Variants in RELN observed in about 807,000 individuals in gnomAD.
RELN encodes reelin.
A neutral mutation model predicts 427.6 loss-of-function variants in RELN; 108 were observed. The ratio of observed to expected loss-of-function variants is 0.25; its 90% CI spans 0.22 to 0.30. The LOEUF is 0.30. Ranked by LOEUF, RELN falls within the 10% of genes least tolerant of loss-of-function variation. The probability of loss-of-function intolerance (pLI) is 1.00; values close to 1 mark genes in which losing one functional copy is unlikely to be tolerated. For missense variants in RELN, 3,715 were observed against 4,302.8 expected, an observed-to-expected ratio of 0.86 and a Z score of 3.82; for synonymous variants, 1,524 against 1,513.4, an observed-to-expected ratio of 1.01 and a Z score of -0.16.
chr7:103,765,411 T>C (rs1339265703), intron 4 of RELN, among the ~76,000 whole-genome samples: 1 of 152,128 alleles, frequency 6.6e-6, no homozygotes, highest in African/African-American at 2.4e-5. Flanking sequence ...ACACCTTGCC[T>C]GGGGTCTGGT....
At chr7:103,826,394 C>A (rs1187883934) in intron 3 of RELN, among the ~76,000 whole-genome samples, 1 of 147,618 alleles carries the variant, frequency 6.8e-6, no homozygotes, top group Non-Finnish European at 1.5e-5. Flanking sequence ...AAATAGGTCA[C>A]AGAGGGCAAA....
Position 103,640,471 on chromosome 7 carries a change from A to G in RELN, c.2069+72T>C. The G allele has an allele frequency of 1.3e-6, 2 of 1,484,454 alleles. No individual in the cohort carries two copies. Among genetic ancestry groups the G allele is most frequent in the Non-Finnish European group, 1.9e-6 (2 of 1,063,586 alleles). 92.0% of individuals were successfully genotyped at this position (1,484,454 alleles called of 1,614,324 possible). A position where few individuals can be genotyped will look rare whatever the true frequency, so the allele number is the denominator to read the frequency against. ...CCCCGATCCTAAAAAAGGTTATTAA[A>G]TGACTTGCGACTTCAACACATACAT... On this transcript the variant is annotated intron_variant, in intron 17 of 64. Coordinates refer to ENST00000428762, the MANE Select transcript of RELN (RefSeq NM_005045.4). The surrounding 1 kb of genome is among the most constrained non-coding windows in gnomAD (Gnocchi z 4.1).
chr7:103,580,831 A>G (rs1831113743), intron 28 of RELN, among the ~76,000 whole-genome samples: 1 of 152,168 alleles, frequency 6.6e-6, no homozygotes, highest in Non-Finnish European at 1.5e-5. Context: ...AGGGGAATCA[A>G]ACAAGATTTG....
intron 9 of RELN, among the ~76,000 whole-genome samples, chr7:103,699,264 A>G (rs1248392048): frequency 6.6e-6 from 1 of 151,336 alleles, no homozygotes; most frequent in Non-Finnish European, 1.5e-5. Flanking sequence ...TCACCAATGA[A>G]GCACATATAT....
intron 2 of RELN, among the ~76,000 whole-genome samples, chr7:103,865,057 C>G (rs900530678): frequency 1.4e-5 from 2 of 146,098 alleles, no homozygotes; most frequent in African/African-American, 5.1e-5. Context: ...TTTGTTGAAC[C>G]TGGAAGGCAG....
intron 2 of RELN, among the ~76,000 whole-genome samples, chr7:103,899,953 TCAGG>T (rs1795046731): frequency 6.6e-6 from 1 of 152,046 alleles, no homozygotes; most frequent in South Asian, 2.1e-4. Flanking sequence ...GCCAGAGCAA[TCAGG>T]CAGGAGAAAG....
intron 22 of RELN, among the ~76,000 whole-genome samples, chr7:103,606,728 A>C (rs779558944): frequency 3.3e-5 from 5 of 152,210 alleles, no homozygotes; most frequent in Non-Finnish European, 5.9e-5. Flanking sequence ...AGTCACATGC[A>C]GACACATTCT....
intron 29 of RELN, among the ~76,000 whole-genome samples, chr7:103,574,944 A>C (rs1425411444): frequency 6.6e-6 from 1 of 152,190 alleles, no homozygotes. Context: ...TTTTTTGTAA[A>C]GTACTCTTTT....
intron 43 of RELN, among the ~76,000 whole-genome samples, chr7:103,542,518 C>T (rs938027165): frequency 2.0e-5 from 3 of 152,108 alleles, no homozygotes; most frequent in Non-Finnish European, 4.4e-5. Flanking sequence ...AGGTATGTTT[C>T]CTTTCTGATT....
At chr7:103,979,068 G>A (rs761007411) in intron 1 of RELN, among the ~76,000 whole-genome samples, 21 of 152,270 alleles carry the variant, frequency 1.4e-4, no homozygotes, top group South Asian at 4.1e-4. Flanking sequence ...CCTTTGAGTC[G>A]TTAAAGTCCA....
intron 4 of RELN, among the ~76,000 whole-genome samples, chr7:103,772,884 T>C (rs1791604845): frequency 1.3e-5 from 2 of 152,194 alleles, no homozygotes; most frequent in South Asian, 4.1e-4. Context: ...AACTATTGCT[T>C]CCAATTGAGA....
At chr7:103,862,194 C>A (rs1254554534) in intron 2 of RELN, among the ~76,000 whole-genome samples, 1 of 152,084 alleles carries the variant, frequency 6.6e-6, no homozygotes, top group African/African-American at 2.4e-5. Flanking sequence ...TCAGGTAGTA[C>A]AGAATGGCTG....
intron 4 of RELN, among the ~76,000 whole-genome samples, chr7:103,774,522 G>A (rs995376395): frequency 2.6e-5 from 4 of 152,082 alleles, no homozygotes; most frequent in South Asian, 2.1e-4. Flanking sequence ...CATACTGAGC[G>A]TGTTAAAATG....
chr7:103,632,427 A>G (rs1832490462), intron 19 of RELN, among the ~76,000 whole-genome samples: 1 of 152,218 alleles, frequency 6.6e-6, no homozygotes, highest in African/African-American at 2.4e-5. Flanking sequence ...AGATGTGAGT[A>G]CAGAGGCACA....
intron 10 of RELN, among the ~76,000 whole-genome samples, chr7:103,684,402 T>C (rs542601466): frequency 1.3e-5 from 2 of 152,300 alleles, no homozygotes; most frequent in South Asian, 4.1e-4. Flanking sequence ...TTGCTTGCTT[T>C]CTATCTGCAT....
chr7:103,666,637 T>C (rs1833273713), intron 11 of RELN, among the ~76,000 whole-genome samples: 2 of 152,216 alleles, frequency 1.3e-5, no homozygotes, highest in Non-Finnish European at 2.9e-5. Context: ...ACACTTTGTG[T>C]AGAAGAAATA....
rs971971035 is a variant in RELN at position 103,660,509 on chromosome 7, C to A, written c.1441+867G>T. On this transcript the variant is annotated intron_variant, in intron 12 of 64. Coordinates refer to ENST00000428762, the MANE Select transcript of RELN (RefSeq NM_005045.4). ...TACAATCTGAGGTTTCCCATGCAAC[C>A]CTGAGCTGTATGATTATCAAAAAGG... Among the ~76,000 whole-genome samples, 34 of 152,198 alleles carry A rather than the reference C, an allele frequency of 2.2e-4. 1 individual carries two copies. The highest frequency in any genetic ancestry group is 8.2e-4 in the African/African-American group (34 of 41,524).
chr7:103,575,879 CTTT>C (rs574006371), intron 28 of RELN, among the ~76,000 whole-genome samples, 174 bp from the exon 29 acceptor site: 4 of 151,894 alleles, frequency 2.6e-5, no homozygotes, highest in Non-Finnish European at 5.9e-5. Context: ...CTCTCTCTCT[CTTT>C]TTTTTCTTTT....
intron 1 of RELN, among the ~76,000 whole-genome samples, chr7:103,929,591 A>G (rs1795817160): frequency 6.6e-6 from 1 of 152,158 alleles, no homozygotes; most frequent in Admixed American, 6.5e-5. Flanking sequence ...TTGATTCATT[A>G]TAACATTGAA....
Sources: allele counts gnomAD v4.1 joint callset (sites outside exome capture counted in the v4.1 genomes callset), GRCh38; gene constraint gnomAD v4.1.1; non-coding constraint Gnocchi (gnomAD v3.1); transcripts MANE v1.5; gene names NCBI Gene and HGNC (gene_info 2026-07-23, HGNC 2026-07-21).